AGPAT3: variants seen among roughly 807,000 people sequenced by gnomAD.
AGPAT3 encodes the protein 1-acyl-sn-glycerol-3-phosphate acyltransferase gamma.
Under a neutral mutation model 47.3 loss-of-function variants are expected in AGPAT3, and 5 were observed. That is an observed-to-expected ratio of 0.11 (90% CI 0.06 to 0.22). The LOEUF (loss-of-function observed/expected upper bound fraction) is 0.22, where lower values mean the gene tolerates loss of function less well. Among genes scored for constraint, AGPAT3 ranks in the 10% least tolerant of loss-of-function variants. AGPAT3 has a pLI of 1.00. For synonymous variants in AGPAT3, 212 were observed against 208.3 expected (o/e 1.02, Z -0.15); for missense variants, 315 against 493.0 (o/e 0.64, Z 3.42).
rs1285060531 is a variant in AGPAT3, at chr21:43,933,041, G to A, written c.-48-26593G>A. Reference sequence around the variant, plus strand: ...GCTCTCTCTCCCTCACAGCGTGCCAGGTGCCTTTTCTCTGCGTTCTCGTCA... The same window carrying A: ...GCTCTCTCTCCCTCACAGCGTGCCAAGTGCCTTTTCTCTGCGTTCTCGTCA... On this transcript the variant is annotated intron_variant, in intron 2 of 9. Coordinates refer to ENST00000291572, the MANE Select transcript of AGPAT3 (RefSeq NM_020132.5). This position sits in a 1 kb window ranked among gnomAD's most constrained non-coding sequence, Gnocchi z 6.0. 6.6e-6 allele frequency among the ~76,000 whole-genome samples: 1 copy of A among 152,182 alleles called. No homozygotes were observed.
intron 2 of AGPAT3, among the ~76,000 whole-genome samples, chr21:43,945,537 C>T (rs2087848193): frequency 6.6e-6 from 1 of 152,260 alleles, no homozygotes; most frequent in South Asian, 2.1e-4. Flanking sequence ...GTTCAGGGAA[C>T]CCTGTTTCTG....
At position 43,981,986 on chromosome 21, in the gene AGPAT3, G is replaced by A. The variant is rs900650393; in HGVS notation, c.1043-318G>A. ...TGTCACCTGTTGGGTTTGCAAGGCC[G>A]AGCTGTTAGAATGCCCCGAAGCCCT... On this transcript the variant is annotated intron_variant, in intron 9 of 9. Coordinates refer to ENST00000291572, the MANE Select transcript of AGPAT3 (RefSeq NM_020132.5). This position sits in a 1 kb window ranked among gnomAD's most constrained non-coding sequence, Gnocchi z 5.3. Among the ~76,000 whole-genome samples, 4 of 152,222 alleles carry A rather than the reference G, an allele frequency of 2.6e-5. No homozygotes were observed. The highest frequency in any genetic ancestry group is 4.4e-5 in the Non-Finnish European group (3 of 68,034).
At position 43,982,604 on chromosome 21, in the gene AGPAT3, C is replaced by G; in HGVS notation, c.*212C>G. The G allele has an allele frequency of 2.4e-6, 1 of 417,720 alleles. No individual in the cohort carries two copies. The highest frequency in any genetic ancestry group is 4.3e-6 in the Non-Finnish European group (1 of 233,524). The allele number at this position is 417,720 out of a possible 1,614,324, so 25.9% of individuals were successfully genotyped here. A position where few individuals can be genotyped will look rare whatever the true frequency, so the allele number is the denominator to read the frequency against. On this transcript the variant is annotated 3_prime_UTR_variant, in exon 10 of 10. Transcript: ENST00000291572. This position sits in a 1 kb window ranked among gnomAD's most constrained non-coding sequence, Gnocchi z 6.2. ...ACAGCGCAGGGTCCCAGCATCTCCA[C>G]GCGCGCCCGTGGGAGGTGGGTCCGG...
At chr21:43,884,431 C>T (rs1389866650) in intron 1 of AGPAT3, among the ~76,000 whole-genome samples, 2 of 152,182 alleles carry the variant, frequency 1.3e-5, no homozygotes, top group African/African-American at 4.8e-5. Flanking sequence ...CTGTGCGGAG[C>T]ATGGCCCTTT....
rs1172812412 is a variant in AGPAT3, at chr21:43,967,938, G to C, written c.179-8G>C. 1 of 1,613,018 alleles carries C rather than the reference G, an allele frequency of 6.2e-7. No homozygotes were observed. The highest frequency in any genetic ancestry group is 8.5e-7 in the Non-Finnish European group (1 of 1,179,268). ...CTACCAGTGCCAACGCCCTCCCCCTGTCCGCAGAACTGGTCATGCTGCTGG... is the reference window on the plus strand; with the variant it reads ...CTACCAGTGCCAACGCCCTCCCCCTCTCCGCAGAACTGGTCATGCTGCTGG... On this transcript the variant is annotated splice_polypyrimidine_tract_variant and splice_region_variant and intron_variant, in intron 3 of 9. Coordinates refer to ENST00000291572, the MANE Select transcript of AGPAT3 (RefSeq NM_020132.5).
intron 1 of AGPAT3, among the ~76,000 whole-genome samples, chr21:43,894,110 C>G (rs1388710794): frequency 6.6e-6 from 1 of 152,150 alleles, no homozygotes; most frequent in Non-Finnish European, 1.5e-5. Flanking sequence ...GTGAGTGAGA[C>G]TGCTCCGTAA....
rs1020394891 is a variant in AGPAT3, at chr21:43,984,867, T to G, written c.*2475T>G. ...ATGTTATGTCCAAATTCAGGCTGAG[T>G]GCTCAGGCTGAAGCAACTCTGTAGC... On this transcript the variant is annotated 3_prime_UTR_variant, in exon 10 of 10. Transcript: ENST00000291572. 6 of 318,020 alleles carry G rather than the reference T, an allele frequency of 1.9e-5. No individual in the cohort carries two copies. Among genetic ancestry groups the G allele is most frequent in the Non-Finnish European group, 6.2e-6 (1 of 160,144 alleles). 19.7% of individuals were successfully genotyped at this position (318,020 alleles called of 1,614,324 possible).
chr21:43,983,837 T>A lies in AGPAT3; in HGVS notation c.*1445T>A, dbSNP rs988591868. ...GGTAAAAAAACCAAAATGGGTGTTATCTCTGATATCTTGAAACCAGCGTTC... is the reference window on the plus strand; with the variant it reads ...GGTAAAAAAACCAAAATGGGTGTTAACTCTGATATCTTGAAACCAGCGTTC... On this transcript the variant is annotated 3_prime_UTR_variant, in exon 10 of 10. Coordinates refer to ENST00000291572, the MANE Select transcript of AGPAT3 (RefSeq NM_020132.5). The A allele has an allele frequency of 1.3e-5, 2 of 152,278 alleles. No individual in the cohort carries two copies. Among genetic ancestry groups the A allele is most frequent in the Middle Eastern group, 3.2e-3 (1 of 316 alleles). The allele number at this position is 152,278 out of a possible 1,614,324, so 9.4% of individuals were successfully genotyped here. A position where few individuals can be genotyped will look rare whatever the true frequency, so the allele number is the denominator to read the frequency against.
At position 43,955,131 on chromosome 21, in the gene AGPAT3, C is replaced by T. The variant is rs913449886; in HGVS notation, c.-48-4503C>T. 5 of 1,276,652 alleles carry T rather than the reference C, an allele frequency of 3.9e-6. No homozygotes were observed. The highest frequency in any genetic ancestry group is 1.5e-5 in the African/African-American group (1 of 65,602). The allele number at this position is 1,276,652 out of a possible 1,614,324, so 79.1% of individuals were successfully genotyped here. ...GCACGTCCATGCCGTGGGGGTCACTCAGCAGCCACGGATGCGCCCTGGGTG... is the reference window on the plus strand; with the variant it reads ...GCACGTCCATGCCGTGGGGGTCACTTAGCAGCCACGGATGCGCCCTGGGTG... On this transcript the variant is annotated intron_variant, in intron 2 of 9. Transcript: ENST00000291572. This position sits in a 1 kb window ranked among gnomAD's most constrained non-coding sequence, Gnocchi z 4.1.
chr21:43,908,000 C>T (rs895965400), intron 2 of AGPAT3, among the ~76,000 whole-genome samples: 4 of 152,182 alleles, frequency 2.6e-5, no homozygotes, highest in African/African-American at 9.7e-5. Flanking sequence ...AGCATGTTCC[C>T]GTAATAGCAG....
intron 2 of AGPAT3, among the ~76,000 whole-genome samples, chr21:43,943,747 C>T (rs997023112): frequency 3.3e-5 from 5 of 152,016 alleles, no homozygotes; most frequent in East Asian, 3.9e-4. Flanking sequence ...CGGGGTGGGG[C>T]GGGCCGCGTG....
intron 1 of AGPAT3, among the ~76,000 whole-genome samples, chr21:43,874,321 C>T (rs1439168050): frequency 2.0e-5 from 3 of 152,210 alleles, no homozygotes; most frequent in South Asian, 2.1e-4. Flanking sequence ...CCACCACGCC[C>T]GGTCCTGTCA....
intron 1 of AGPAT3, among the ~76,000 whole-genome samples, chr21:43,885,954 CAGG>C (rs1247042017): frequency 6.6e-6 from 1 of 152,204 alleles, no homozygotes; most frequent in East Asian, 1.9e-4. Flanking sequence ...CAGCAGCTGA[CAGG>C]AGGGAAGGTT....
At chr21:43,870,774 CTT>C (rs1231746199) in intron 1 of AGPAT3, among the ~76,000 whole-genome samples, 1 of 152,180 alleles carries the variant, frequency 6.6e-6, no homozygotes, top group Non-Finnish European at 1.5e-5. Context: ...TATAATGTTT[CTT>C]TTTGGTGAAC....
intron 1 of AGPAT3, among the ~76,000 whole-genome samples, chr21:43,868,469 C>T (rs1006167917): frequency 6.6e-6 from 1 of 152,034 alleles, no homozygotes; most frequent in Non-Finnish European, 1.5e-5. Context: ...GAGGCCTGTC[C>T]CCAGTGACTG....
chr21:43,946,771 GTA>G (rs1024549350), intron 2 of AGPAT3, among the ~76,000 whole-genome samples: 3 of 152,236 alleles, frequency 2.0e-5, no homozygotes, highest in African/African-American at 4.8e-5. Context: ...GTGCATGCAT[GTA>G]TGTGTGTGTG....
intron 2 of AGPAT3, among the ~76,000 whole-genome samples, chr21:43,915,940 T>C (rs1041181208): frequency 3.3e-5 from 5 of 152,216 alleles, no homozygotes; most frequent in African/African-American, 1.2e-4. Flanking sequence ...TAAATTTTCC[T>C]CTAAAGCACT....
In AGPAT3 at chr21:43,949,627, C is replaced by T. The variant is rs554412924; in HGVS notation, c.-48-10007C>T. On this transcript the variant is annotated intron_variant, in intron 2 of 9. Transcript: ENST00000291572. ...CCATGTCTTGGCAGGAGGAGCTGCA[C>T]GTTACTAAGGGCATGTGTTCAGGGA... Among the ~76,000 whole-genome samples the T allele has an allele frequency of 1.3e-4, 20 of 152,282 alleles. 2 individuals are homozygous for T. The highest frequency in any genetic ancestry group is 2.4e-4 in the African/African-American group (10 of 41,544).
At chr21:43,959,100 T>A (rs998263089) in intron 2 of AGPAT3, among the ~76,000 whole-genome samples, 10 of 134,648 alleles carry the variant, frequency 7.4e-5, no homozygotes, top group Non-Finnish European at 1.6e-5. Flanking sequence ...GTGTGTCATG[T>A]GTGTGGTTTG....
Sources: gnomAD v4.1 joint callset for allele counts (sites outside exome capture counted in the v4.1 genomes callset) on GRCh38, gnomAD v4.1.1 for gene constraint, Gnocchi (gnomAD v3.1) non-coding constraint, MANE v1.5 for transcripts, NCBI Gene and HGNC (gene_info 2026-07-23, HGNC 2026-07-21) for gene names.